ZBTB25: variants seen among roughly 807,000 people sequenced by gnomAD.
ZBTB25 encodes the protein zinc finger and BTB domain containing 25, also known as zinc finger and BTB domain-containing protein 25.
A neutral mutation model predicts 34.2 loss-of-function variants in ZBTB25; 20 were observed. The observed-to-expected ratio is 0.58, with a 90% CI of 0.41 to 0.85. The LOEUF is 0.85. ZBTB25 is among the 40% of genes least tolerant of loss of function. The pLI, the probability that ZBTB25 is intolerant of heterozygous loss-of-function variation, is 0.00. For synonymous variants in ZBTB25, 175 were observed against 186.4 expected (o/e 0.94, Z 0.50); for missense variants, 437 against 521.8 (o/e 0.84, Z 1.58).
chr14:64,491,831 C>T (rs888905261), intron 1 of ZBTB25, among the ~76,000 whole-genome samples: 12 of 152,228 alleles, frequency 7.9e-5, no homozygotes, highest in African/African-American at 2.9e-4. Context: ...GCCAGCCAGA[C>T]CAAGGTCTAA....
In ZBTB25 at chr14:64,500,473, A is replaced by G. The variant is rs56361927; in HGVS notation, c.-8+3188T>C. ...ATAAAGCAAAAAAAAAAAAAAAAAA[A>G]AAAGAGAGAGAGAGAGAAAGAAAAT... On this transcript the variant is annotated intron_variant, in intron 1 of 2. Transcript: ENST00000608382. Among the ~76,000 whole-genome samples the G allele has an allele frequency of 3.7e-3, 537 of 144,184 alleles. 3 individuals are homozygous for G. Among genetic ancestry groups the G allele is most frequent in the African/African-American group, 0.013 (515 of 39,508 alleles). 94.6% of individuals were successfully genotyped at this position (144,184 alleles called of 152,430 possible).
At chr14:64,494,907 T>C (rs1212690644) in intron 1 of ZBTB25, among the ~76,000 whole-genome samples, 1 of 152,288 alleles carries the variant, frequency 6.6e-6, no homozygotes, top group African/African-American at 2.4e-5. Flanking sequence ...TCATATCTGA[T>C]CTGTTAAATC....
At chr14:64,458,373 T>C (rs2078508753) in intron 2 of ZBTB25, 3 of 1,011,222 alleles carry the variant, frequency 3.0e-6, no homozygotes, top group Non-Finnish European at 4.8e-6. Flanking sequence ...ATTATAGGGC[T>C]CAAACTGACG....
At chr14:64,455,506 T>TA (rs1298469163) in intron 2 of ZBTB25, among the ~76,000 whole-genome samples, 1 of 152,228 alleles carries the variant, frequency 6.6e-6, no homozygotes, top group Non-Finnish European at 1.5e-5. Flanking sequence ...CTTAAGGACA[T>TA]AATCATAGTT....
intron 2 of ZBTB25, among the ~76,000 whole-genome samples, chr14:64,489,227 A>G (rs1381358870): frequency 1.3e-5 from 2 of 152,028 alleles, no homozygotes; most frequent in African/African-American, 4.8e-5. Flanking sequence ...CAGCCTGGGC[A>G]CCACTGCACT....
At chr14:64,502,153 G>T (rs2079518527) in intron 1 of ZBTB25, among the ~76,000 whole-genome samples, 1 of 152,132 alleles carries the variant, frequency 6.6e-6, no homozygotes, top group Non-Finnish European at 1.5e-5. Flanking sequence ...ATGATACTTG[G>T]CCCACTGCAA....
chr14:64,489,663 G>A (rs140125587), intron 2 of ZBTB25, among the ~76,000 whole-genome samples: 26,603 of 150,952 alleles, frequency 0.18, 2,720 homozygotes, highest in Non-Finnish European at 0.23. Context: ...AGCCTCCCGA[G>A]TAGCTGGGAC....
intron 2 of ZBTB25, chr14:64,469,281 G>C: frequency 6.2e-7 from 1 of 1,613,214 alleles, no homozygotes; most frequent in Non-Finnish European, 8.5e-7. Context: ...GACTATGAAA[G>C]TACAGAGATT....
intron 1 of ZBTB25, among the ~76,000 whole-genome samples, chr14:64,492,923 A>T (rs1367165451): frequency 6.6e-6 from 1 of 152,252 alleles, no homozygotes; most frequent in African/African-American, 2.4e-5. Flanking sequence ...TAATTATAAT[A>T]TGAAATAAAT....
rs1307952267 is a variant in ZBTB25, at chr14:64,459,731, A to G, written c.174-10093T>C. The G allele has an allele frequency of 2.6e-6, 4 of 1,518,206 alleles. No homozygotes were observed. The South Asian group carries it at 4.8e-5, about 18-fold the overall frequency. 94.0% of individuals were successfully genotyped at this position (1,518,206 alleles called of 1,614,324 possible). On this transcript the variant is annotated intron_variant, in intron 2 of 2. Transcript: ENST00000555220. ...AACATTTCAGTGCTTGCTTAGAGAAAACATTTATTTCTTGTTTTTCCTTCC... is the reference window on the plus strand; with the variant it reads ...AACATTTCAGTGCTTGCTTAGAGAAGACATTTATTTCTTGTTTTTCCTTCC...
At chr14:64,469,804 C>A in intron 2 of ZBTB25, 1 of 714,572 alleles carries the variant, frequency 1.4e-6, no homozygotes. Flanking sequence ...GGTACAATTC[C>A]AGCGCAGAAG....
At position 64,480,763 on chromosome 14, in the gene ZBTB25, C is replaced by G. The variant is rs777129264; in HGVS notation, c.*6160G>C. 6.6e-6 allele frequency: 1 copy of G among 151,412 alleles called. No individual in the cohort carries two copies. Among genetic ancestry groups the G allele is most frequent in the Admixed American group, 6.6e-5 (1 of 15,140 alleles). The allele number at this position is 151,412 out of a possible 1,614,324, so 9.4% of individuals were successfully genotyped here. On this transcript the variant is annotated 3_prime_UTR_variant, in exon 3 of 3. Transcript: ENST00000608382. ...TTCAAGCAATTCCTCTGCCTCTGCC[C>G]CCCTAGTAGCTGGGACTGCAGGCAC... is the stretch of plus-strand genomic sequence containing the variant.
chr14:64,489,782 C>T (rs1425856444), intron 2 of ZBTB25, among the ~76,000 whole-genome samples: 5 of 151,718 alleles, frequency 3.3e-5, no homozygotes, highest in Non-Finnish European at 5.9e-5. Flanking sequence ...GATCCGCCCA[C>T]CTTGGCCTCC....
chr14:64,476,262 C>G (rs944206839), downstream of ZBTB25, among the ~76,000 whole-genome samples: 1 of 152,218 alleles, frequency 6.6e-6, no homozygotes, highest in South Asian at 2.1e-4. Flanking sequence ...TATGGAATGG[C>G]CATTTGCAAC....
Position 64,503,651 on chromosome 14 carries a change from C to A in ZBTB25, c.-8+10G>T, listed in dbSNP as rs532553709. On this transcript the variant is annotated intron_variant, in intron 1 of 2. Transcript: ENST00000608382. Reference sequence around the variant, plus strand: ...GGGGCAGCCCACAGGGGCAGGACCGCGTCGCTTACCCAGATGCCGCCGCGG... The same window carrying A: ...GGGGCAGCCCACAGGGGCAGGACCGAGTCGCTTACCCAGATGCCGCCGCGG... 1 of 979,236 alleles carries A rather than the reference C, an allele frequency of 1.0e-6. No individual in the cohort carries two copies. The highest frequency in any genetic ancestry group is 4.7e-5 in the South Asian group (1 of 21,190). 60.7% of individuals were successfully genotyped at this position (979,236 alleles called of 1,614,324 possible).
intron 1 of ZBTB25, among the ~76,000 whole-genome samples, chr14:64,492,117 CAAAA>C (rs58321068): frequency 8.1e-5 from 6 of 74,028 alleles, no homozygotes; most frequent in Admixed American, 1.8e-4. Flanking sequence ...GACCCTATCT[CAAAA>C]AAAAAAAAAA....
At chr14:64,490,224 AAAAAAAAAAAAAAAAAAAAAT>A in intron 2 of ZBTB25, 116 bp downstream of exon 2, 2 of 123,290 alleles carry the variant, frequency 1.6e-5, no homozygotes, top group Non-Finnish European at 2.8e-5. Context: ...AAAAAAAAAA[AAAAAAAAAAAAAAAAAAAAAT>A]TATAATTTTA....
At chr14:64,496,625 T>G (rs2079287121) in intron 1 of ZBTB25, among the ~76,000 whole-genome samples, 1 of 152,232 alleles carries the variant, frequency 6.6e-6, no homozygotes, top group South Asian at 2.1e-4. Context: ...TTAACATATT[T>G]TTTCCTAAAA....
chr14:64,468,366 T>G (rs988068667), intron 2 of ZBTB25: 1 of 1,550,038 alleles, frequency 6.5e-7, no homozygotes, highest in Admixed American at 2.1e-5. Flanking sequence ...AGAATACAGT[T>G]TTCTAGAGAA....
Sources: gnomAD v4.1 joint callset for allele counts (sites outside exome capture counted in the v4.1 genomes callset) on GRCh38, gnomAD v4.1.1 for gene constraint, MANE v1.5 for transcripts, NCBI Gene and HGNC (gene_info 2026-07-23, HGNC 2026-07-21) for gene names.